ADGRL2: variants seen among roughly 807,000 people sequenced by gnomAD.
The protein encoded by ADGRL2 is calcium-independent alpha-latrotoxin receptor 2.
ADGRL2 carries 44 observed loss-of-function variants against 157.4 expected under a neutral mutation model. That is an observed-to-expected ratio of 0.28 (90% CI 0.22 to 0.36). The LOEUF (loss-of-function observed/expected upper bound fraction) is 0.36. Among genes scored for constraint, ADGRL2 ranks in the 10% least tolerant of loss-of-function variants. The pLI, the probability that ADGRL2 is intolerant of heterozygous loss-of-function variation, is 1.00. For synonymous variants in ADGRL2, 585 were observed against 624.7 expected (o/e 0.94, Z 0.95); for missense variants, 1,510 against 1,768.9 (o/e 0.85, Z 2.63).
At chr1:81,969,116 GTCTT>G (rs1316922033) in intron 14 of ADGRL2, 58 bp from the exon 15 acceptor site, 2 of 1,191,142 alleles carry the variant, frequency 1.7e-6, no homozygotes, top group Non-Finnish European at 1.2e-6. Flanking sequence ...TGTGAAAGCT[GTCTT>G]TCTTCTAGTT....
chr1:81,985,011 GATCTCCACTCTTTA>G (rs1265419157), intron 20 of ADGRL2, among the ~76,000 whole-genome samples: 1 of 152,016 alleles, frequency 6.6e-6, no homozygotes, highest in East Asian at 1.9e-4. Context: ...AATAATCAGT[GATCTCCACTCTTTA>G]AAGAAAGACA....
intron 1 of ADGRL2, among the ~76,000 whole-genome samples, chr1:81,398,468 C>A (rs1400796967): frequency 6.6e-6 from 1 of 151,930 alleles, no homozygotes; most frequent in Admixed American, 6.6e-5. Flanking sequence ...CTCTATCGAT[C>A]TGCTCTACCA....
At chr1:81,436,718 G>T (rs2077416446) in intron 1 of ADGRL2, among the ~76,000 whole-genome samples, 1 of 152,314 alleles carries the variant, frequency 6.6e-6, no homozygotes, top group East Asian at 1.9e-4. Context: ...ATTTTAGGAA[G>T]ATCAGTATGC....
Position 81,727,225 on chromosome 1 carries a change from A to T in ADGRL2, c.-143+27417A>T, listed in dbSNP as rs112073147. Among the ~76,000 whole-genome samples the T allele has an allele frequency of 3.6e-3, 543 of 152,368 alleles. 6 individuals are homozygous for T. The highest frequency in any genetic ancestry group is 0.012 in the African/African-American group (501 of 41,584). On this transcript the variant is annotated intron_variant, in intron 1 of 20. Coordinates refer to the ADGRL2 transcript ENST00000359929. ...TGAGACACCATCCATGTTAGACTTGAAACAAAATAGACCAAATTAATACTG... is the reference window on the plus strand; with the variant it reads ...TGAGACACCATCCATGTTAGACTTGTAACAAAATAGACCAAATTAATACTG...
At chr1:81,359,377 A>G (rs534505785) in intron 1 of ADGRL2, among the ~76,000 whole-genome samples, 2 of 152,088 alleles carry the variant, frequency 1.3e-5, no homozygotes, top group East Asian at 3.9e-4. Flanking sequence ...TTTAGTTCCA[A>G]TTCATCTTTG....
intron 2 of ADGRL2, among the ~76,000 whole-genome samples, chr1:81,781,290 T>C (rs868419207): frequency 5.9e-5 from 9 of 152,244 alleles, no homozygotes; most frequent in East Asian, 3.9e-4. Context: ...GACTACAACA[T>C]TGAGCTTTGT....
chr1:81,554,505 T>G (rs1009917920), intron 2 of ADGRL2, among the ~76,000 whole-genome samples: 2 of 152,076 alleles, frequency 1.3e-5, no homozygotes, highest in Non-Finnish European at 2.9e-5. Flanking sequence ...AAAAAAAAAT[T>G]TTTGAATGTA....
intron 3 of ADGRL2, among the ~76,000 whole-genome samples, chr1:81,663,782 C>T (rs561671154): frequency 6.6e-6 from 1 of 152,276 alleles, no homozygotes; most frequent in African/African-American, 2.4e-5. Flanking sequence ...TCGTTAAAGT[C>T]ATGTTTAGCA....
intron 1 of ADGRL2, among the ~76,000 whole-genome samples, chr1:81,332,407 CT>C (rs550117039): frequency 7.9e-5 from 12 of 151,950 alleles, no homozygotes; most frequent in Admixed American, 2.0e-4. Flanking sequence ...AACATAAGAA[CT>C]TTTATAGAAT....
chr1:81,875,801 T>A (rs1428846522), intron 2 of ADGRL2, among the ~76,000 whole-genome samples: 1 of 152,110 alleles, frequency 6.6e-6, no homozygotes, highest in East Asian at 1.9e-4. Flanking sequence ...ATCTGGCATT[T>A]GCATTTTTGT....
intron 2 of ADGRL2, among the ~76,000 whole-genome samples, chr1:81,523,834 TG>T (rs2079383203): frequency 6.9e-6 from 1 of 144,144 alleles, no homozygotes; most frequent in African/African-American, 2.6e-5. Flanking sequence ...GAGGCCGAAG[TG>T]GGCGGATCAC....
chr1:81,595,042 G>A (rs1461209603), intron 3 of ADGRL2, among the ~76,000 whole-genome samples: 1 of 152,160 alleles, frequency 6.6e-6, no homozygotes, highest in African/African-American at 2.4e-5. Context: ...ATGAAATGGT[G>A]GTTACTGCCT....
At chr1:81,801,477 G>T (rs1224806576) in intron 1 of ADGRL2, among the ~76,000 whole-genome samples, 2 of 152,178 alleles carry the variant, frequency 1.3e-5, no homozygotes. Flanking sequence ...AGAGGTGCTG[G>T]GGCGAAATCG....
At position 81,990,654 on chromosome 1, in the gene ADGRL2, G is replaced by A. The variant is rs1279641461; in HGVS notation, c.3919G>A (p.Glu1307Lys). 2 of 1,614,096 alleles carry A rather than the reference G, an allele frequency of 1.2e-6. No homozygotes were observed. Among genetic ancestry groups the A allele is most frequent in the Non-Finnish European group, 1.7e-6 (2 of 1,180,044 alleles). The part of the protein sequence containing the change: ...VKPVIGGSSS[E>K]DDAIVADASS... ...ACCTGTGATTGGAGGTAGCAGCAGT[G>A]AAGATGATGCTATTGTGGCAGATGC... Residue 1307 changes from glutamate to lysine, a missense_variant, in exon 24 of 24, where the codon GAA becomes AAA. By Grantham distance (56) the Glu-to-Lys change is moderately conservative (BLOSUM62 1). Coordinates refer to ENST00000686636, the MANE Select transcript of ADGRL2 (RefSeq NM_001366006.2).
chr1:81,760,082 A>T (rs950088508), intron 1 of ADGRL2, among the ~76,000 whole-genome samples: 1 of 152,122 alleles, frequency 6.6e-6, no homozygotes, highest in African/African-American at 2.4e-5. Flanking sequence ...GAAGTAGGAA[A>T]GTCCAAACAT....
chr1:81,964,085 TCTA>T (rs1656331415), intron 11 of ADGRL2, among the ~76,000 whole-genome samples: 1 of 151,952 alleles, frequency 6.6e-6, no homozygotes, highest in Non-Finnish European at 1.5e-5. Context: ...GCTTGAAATA[TCTA>T]CTGAGAGCTG....
chr1:81,390,814 C>T (rs374469184), intron 1 of ADGRL2, among the ~76,000 whole-genome samples: 1 of 152,422 alleles, frequency 6.6e-6, no homozygotes, highest in African/African-American at 2.4e-5. Context: ...TTTATTTAAC[C>T]AATCCACTGT....
chr1:81,363,053 T>A (rs2076005489), intron 1 of ADGRL2, among the ~76,000 whole-genome samples: 1 of 152,100 alleles, frequency 6.6e-6, no homozygotes. Context: ...CATATATGTA[T>A]GTATACACTT....
At chr1:81,547,281 C>A (rs562539168) in intron 2 of ADGRL2, among the ~76,000 whole-genome samples, 1 of 152,214 alleles carries the variant, frequency 6.6e-6, no homozygotes, top group East Asian at 1.9e-4. Context: ...TATGTAAAAC[C>A]CCCAGTAGTT....
Sources: gnomAD v4.1 joint callset for allele counts (sites outside exome capture counted in the v4.1 genomes callset) on GRCh38, gnomAD v4.1.1 for gene constraint, MANE v1.5 for transcripts, NCBI Gene and HGNC (gene_info 2026-07-23, HGNC 2026-07-21) for gene names.